The following BRWD3 variants were observed in gnomAD, a reference collection of about 807,000 sequenced individuals.
BRWD3 encodes bromodomain and WD repeat-containing protein 3.
In BRWD3, 10 loss-of-function variants were observed where a neutral mutation model predicts 149.7. The observed-to-expected ratio is 0.07, with a 90% CI of 0.04 to 0.11. The LOEUF (loss-of-function observed/expected upper bound fraction) is 0.11, where lower values mean the gene tolerates loss of function less well. Among genes scored for constraint, BRWD3 ranks in the 10% least tolerant of loss-of-function variants. The pLI, the probability that BRWD3 is intolerant of heterozygous loss-of-function variation, is 1.00. For missense variants in BRWD3, 940 were observed against 1,373.2 expected (o/e 0.68, Z 4.99); for synonymous variants, 504 against 456.7 (o/e 1.10, Z -1.32).
rs199808156 is a variant in BRWD3, at chrX:80,800,760, G to GA, written c.181-6989dup. On this transcript the variant is annotated intron_variant, in intron 4 of 40. Transcript: ENST00000373275. Reference sequence around the variant, plus strand: ...GAAAAACCGGGCAGGGGAAAAAAAAGAAAAAAAAGACAGCAGGCAGGCCTT... The same window carrying GA: ...GAAAAACCGGGCAGGGGAAAAAAAAGAAAAAAAAAGACAGCAGGCAGGCCTT... Among the ~76,000 whole-genome samples the GA allele has an allele frequency of 2.3e-3, 254 of 110,088 alleles. 9 individuals carry two copies. In the East Asian group the frequency reaches 0.062, roughly 27 times the overall value.
At chrX:80,789,075 A>G (rs1202721456) in intron 6 of BRWD3, among the ~76,000 whole-genome samples, 1 of 112,123 alleles carries the variant, frequency 8.9e-6, no homozygotes, top group Non-Finnish European at 1.9e-5. Context: ...ATATCCTAAT[A>G]CAGTTGACTT....
At chrX:80,700,241 C>G (rs1298470607) in intron 24 of BRWD3, among the ~76,000 whole-genome samples, 177 bp from the exon 25 acceptor site, 2 of 106,890 alleles carry the variant, frequency 1.9e-5, no homozygotes, top group African/African-American at 3.4e-5. Flanking sequence ...CTACGTAGCC[C>G]TGTGCTCAGT....
chrX:80,696,519 T>TACACACAC (rs560341387), intron 26 of BRWD3, among the ~76,000 whole-genome samples: 93 of 82,177 alleles, frequency 1.1e-3, no homozygotes, highest in East Asian at 1.6e-3. Flanking sequence ...ATAACATAAA[T>TACACACAC]ACACACACAC....
At position 80,677,058 on chromosome X, in the gene BRWD3, G is replaced by A; in HGVS notation, c.4960C>T (p.Leu1654Phe). The change falls in exon 41 of 41, where the codon CTC becomes TTC. Residue 1654 changes from leucine to phenylalanine, a missense_variant. This residue lies in a region of BRWD3 where 349 missense variants were observed against 419.6 expected (regional missense o/e 0.83). Coordinates refer to ENST00000373275, the MANE Select transcript of BRWD3 (RefSeq NM_153252.5). ...TTTCCATTGCCATGTTGCTTTCTGA[G>A]TTTTCTTTTAGGTCTGGTTTGTATG... ...KFIQTRPKRK[L>F]RKQHGNGKRN... The A allele has an allele frequency of 1.7e-6, 2 of 1,211,186 alleles. No individual in the cohort carries two copies. Among genetic ancestry groups the A allele is most frequent in the Non-Finnish European group, 2.2e-6 (2 of 895,285 alleles).
intron 31 of BRWD3, 57 bp from the exon 32 acceptor site, chrX:80,690,149 G>C: frequency 1.8e-6 from 2 of 1,117,125 alleles, no homozygotes; most frequent in South Asian, 1.9e-5. Flanking sequence ...GTATATTTTA[G>C]GAATATACAA....
chrX:80,709,707 T>G, intron 20 of BRWD3, 130 bp from the exon 21 acceptor site: 1 of 545,920 alleles, frequency 1.8e-6, no homozygotes, highest in Non-Finnish European at 2.9e-6. Flanking sequence ...CAAAATAAAG[T>G]CAACATAGAA....
intron 20 of BRWD3, chrX:80,710,370 C>T: frequency 3.0e-6 from 1 of 335,313 alleles, no homozygotes; most frequent in East Asian, 6.7e-5. Flanking sequence ...CATCTGCTGA[C>T]TATTTTGACT....
chrX:80,808,460 TG>T, intron 4 of BRWD3, 78 bp downstream of exon 4: 4 of 568,078 alleles, frequency 7.0e-6, no homozygotes, highest in Non-Finnish European at 1.0e-5. Flanking sequence ...GGCTGAGAGG[TG>T]GGGGGCGGGT....
intron 14 of BRWD3, among the ~76,000 whole-genome samples, chrX:80,725,410 C>T (rs1416653048): frequency 2.7e-5 from 3 of 111,822 alleles, no homozygotes; most frequent in Non-Finnish European, 3.8e-5. Context: ...CAATAACACC[C>T]AATTCTGACA....
At chrX:80,686,742 C>G (rs2072531432) in intron 35 of BRWD3, 121 bp downstream of exon 35, 3 of 748,412 alleles carry the variant, frequency 4.0e-6, no homozygotes, top group Non-Finnish European at 5.9e-6. Context: ...CTTTCACAAT[C>G]AAAAGACTGG....
chrX:80,809,313 G>C lies in BRWD3; in HGVS notation c.32-9C>G, dbSNP rs753050311. The C allele has an allele frequency of 8.4e-7, 1 of 1,190,078 alleles. No individual in the cohort carries two copies. Among genetic ancestry groups the C allele is most frequent in the African/African-American group, 1.7e-5 (1 of 57,525 alleles). On this transcript the variant is annotated splice_polypyrimidine_tract_variant and intron_variant, in intron 1 of 40. Transcript: ENST00000373275. ...GATCAGGTAATACAGCTCTGGGGAA[G>C]AGGGGGGAAAAGAGGTTCAGAGGGA...
chrX:80,728,939 T>A, intron 13 of BRWD3, 34 bp from the exon 14 acceptor site: 2 of 1,173,091 alleles, frequency 1.7e-6, no homozygotes, highest in Non-Finnish European at 2.3e-6. Flanking sequence ...TCATATCTTA[T>A]AAATTTTTGA....
At chrX:80,798,799 C>T (rs2074265025) in intron 4 of BRWD3, among the ~76,000 whole-genome samples, 1 of 111,415 alleles carries the variant, frequency 9.0e-6, no homozygotes, top group Non-Finnish European at 1.9e-5. Context: ...GAGTATAATT[C>T]AAACTTCTAT....
chrX:80,747,698 C>A (rs1021718801), intron 6 of BRWD3, among the ~76,000 whole-genome samples: 4 of 111,602 alleles, frequency 3.6e-5, no homozygotes, highest in Non-Finnish European at 7.5e-5. Context: ...TAGATTCTAT[C>A]GTAAATGGAA....
intron 6 of BRWD3, among the ~76,000 whole-genome samples, chrX:80,759,573 C>A (rs747620728): frequency 6.3e-5 from 7 of 111,966 alleles, no homozygotes; most frequent in Non-Finnish European, 1.1e-4. Flanking sequence ...TTCTCTCCAG[C>A]TCTTACGTTT....
chrX:80,785,873 C>T (rs757969942), intron 6 of BRWD3, among the ~76,000 whole-genome samples: 1 of 111,507 alleles, frequency 9.0e-6, no homozygotes, highest in Non-Finnish European at 1.9e-5. Context: ...ACTAAAAACA[C>T]AAAAAAGTTA....
chrX:80,728,083 C>A (rs1231104904), intron 14 of BRWD3, among the ~76,000 whole-genome samples: 1 of 111,869 alleles, frequency 8.9e-6, no homozygotes, highest in East Asian at 2.8e-4. Flanking sequence ...GAATTGGTTT[C>A]TATTCTTATC....
intron 20 of BRWD3, among the ~76,000 whole-genome samples, chrX:80,711,457 G>C (rs983315171): frequency 1.8e-5 from 2 of 112,133 alleles, no homozygotes; most frequent in Non-Finnish European, 3.8e-5. Flanking sequence ...CCGCAAATAT[G>C]TTTCTGTCAT....
intron 6 of BRWD3, among the ~76,000 whole-genome samples, chrX:80,759,335 A>G (rs1285440157): frequency 2.7e-5 from 3 of 111,433 alleles, no homozygotes; most frequent in Admixed American, 9.6e-5. Context: ...TCCTTTTTGT[A>G]TATATTTGCC....
Sources: allele counts gnomAD v4.1 joint callset (sites outside exome capture counted in the v4.1 genomes callset), GRCh38; gene constraint gnomAD v4.1.1; regional missense constraint gnomAD v4.1.1; transcripts MANE v1.5; gene names NCBI Gene and HGNC (gene_info 2026-07-23, HGNC 2026-07-21).